The following ARHGAP12 variants were observed in gnomAD, a reference collection of about 807,000 sequenced individuals.
The protein encoded by ARHGAP12 is Rho GTPase activating protein 12.
In ARHGAP12, 64 loss-of-function variants were observed where a neutral mutation model predicts 108.6. The ratio of observed to expected loss-of-function variants is 0.59; its 90% CI spans 0.48 to 0.73. The LOEUF (loss-of-function observed/expected upper bound fraction) is 0.73. ARHGAP12 is among the 30% of genes least tolerant of loss of function. The pLI, the probability that ARHGAP12 is intolerant of heterozygous loss-of-function variation, is 0.00. For synonymous variants in ARHGAP12, 312 were observed against 337.2 expected, an observed-to-expected ratio of 0.93 and a Z score of 0.82; for missense variants, 940 against 1,005.9, an observed-to-expected ratio of 0.93 and a Z score of 0.89.
At chr10:31,898,689 A>C (rs1838804611) in intron 3 of ARHGAP12, among the ~76,000 whole-genome samples, 1 of 152,188 alleles carries the variant, frequency 6.6e-6, no homozygotes, top group South Asian at 2.1e-4. Context: ...AATACTTAGC[A>C]CTGTGTTATA....
intron 7 of ARHGAP12, 120 bp from the exon 8 acceptor site, chr10:31,839,831 T>C: frequency 1.5e-6 from 1 of 661,218 alleles, no homozygotes; most frequent in South Asian, 2.9e-5. Flanking sequence ...TTATTTTCGT[T>C]CTATATTCAG....
intron 13 of ARHGAP12, 140 bp downstream of exon 13, chr10:31,817,648 C>T: frequency 1.9e-6 from 1 of 533,126 alleles, no homozygotes. Context: ...CTAAATTGAC[C>T]ATTGTTTTTT....
intron 4 of ARHGAP12, among the ~76,000 whole-genome samples, chr10:31,855,367 C>T (rs1221956634): frequency 6.6e-6 from 1 of 152,130 alleles, no homozygotes; most frequent in East Asian, 1.9e-4. Flanking sequence ...ATGACCCTTC[C>T]TATCACCTCT....
rs146011999 is a variant in ARHGAP12, at chr10:31,812,751, C to T, written c.1907G>A (p.Arg636Gln). Residue 636 changes from arginine to glutamine, a missense_variant, in exon 15 of 20, where the codon CGA becomes CAA. Coordinates refer to ENST00000344936, the MANE Select transcript of ARHGAP12 (RefSeq NM_018287.7). ...ACGAACAGCTTGCAAAGTGGGGCGT[C>T]GTGTAAGAAACTTCTTTAAGTTTTT... is the stretch of plus-strand genomic sequence containing the variant. ...TKKNLKKFLT[R>Q]RPTLQAVREK... 1.9e-6 allele frequency: 3 copies of T among 1,608,708 alleles called. No individual in the cohort carries two copies. Among genetic ancestry groups the T allele is most frequent in the Admixed American group, 1.7e-5 (1 of 59,744 alleles).
chr10:31,874,748 C>T (rs974740248), intron 3 of ARHGAP12, among the ~76,000 whole-genome samples: 3 of 151,842 alleles, frequency 2.0e-5, no homozygotes, highest in Admixed American at 6.6e-5. Flanking sequence ...CCGAGGCGTG[C>T]GGATCACCTG....
At chr10:31,901,178 T>C (rs112978277) in intron 3 of ARHGAP12, among the ~76,000 whole-genome samples, 34,319 of 147,860 alleles carry the variant, frequency 0.23, 4,278 homozygotes, top group Non-Finnish European at 0.29. Flanking sequence ...ATTGCGCCAC[T>C]GCACTCCACT....
chr10:31,860,932 G>A (rs897456001), intron 4 of ARHGAP12, among the ~76,000 whole-genome samples: 2 of 152,152 alleles, frequency 1.3e-5, no homozygotes, highest in African/African-American at 4.8e-5. Flanking sequence ...ACATGTGCCT[G>A]TAGTCCCAGC....
chr10:31,830,926 C>A (rs149067085), intron 10 of ARHGAP12, among the ~76,000 whole-genome samples: 122 of 152,316 alleles, frequency 8.0e-4, no homozygotes, highest in Non-Finnish European at 8.8e-4. Flanking sequence ...CAGGAATGCA[C>A]GGCTCCTGGA....
At chr10:31,826,281 C>G (rs752787518) in intron 11 of ARHGAP12, 23 bp downstream of exon 11, 10 of 1,570,264 alleles carry the variant, frequency 6.4e-6, no homozygotes, top group Non-Finnish European at 8.7e-6. Context: ...TGTATAAAAT[C>G]TCCAAAGAGA....
intron 13 of ARHGAP12, 132 bp from the exon 14 acceptor site, chr10:31,814,493 T>A: frequency 1.5e-6 from 1 of 679,810 alleles, no homozygotes. Context: ...GTATACAGTA[T>A]GTATGACTTA....
At position 31,812,842 on chromosome 10, in the gene ARHGAP12, G is replaced by GT; in HGVS notation, c.1835-20dup. The GT allele has an allele frequency of 7.2e-7, 1 of 1,391,178 alleles. No individual in the cohort carries two copies. The highest frequency in any genetic ancestry group is 9.8e-7 in the Non-Finnish European group (1 of 1,017,294). The allele number at this position is 1,391,178 out of a possible 1,614,324, so 86.2% of individuals were successfully genotyped here. On this transcript the variant is annotated intron_variant, in intron 14 of 19. Transcript: ENST00000344936. ...TTAAAGGCTTAAGACAAAAAGACAG[G>GT]TAATGAGCATTTGTAAAAATAAAGT...
intron 3 of ARHGAP12, among the ~76,000 whole-genome samples, chr10:31,879,877 C>T (rs376471650): frequency 2.6e-4 from 39 of 152,324 alleles, no homozygotes; most frequent in African/African-American, 9.1e-4. Flanking sequence ...CATGCTTCTA[C>T]AGGGTTTCTG....
chr10:31,814,508 T>G, intron 13 of ARHGAP12, 147 bp from the exon 14 acceptor site: 1 of 637,116 alleles, frequency 1.6e-6, no homozygotes, highest in Non-Finnish European at 2.7e-6. Flanking sequence ...GACTTAGATA[T>G]TTGATAAATA....
At chr10:31,892,707 TA>T (rs754035394) in intron 3 of ARHGAP12, among the ~76,000 whole-genome samples, 23 of 152,114 alleles carry the variant, frequency 1.5e-4, no homozygotes, top group Non-Finnish European at 3.1e-4. Context: ...GACAGAAACT[TA>T]ACAAGCATAT....
chr10:31,928,500 T>A (rs968582661), intron 1 of ARHGAP12, among the ~76,000 whole-genome samples, 183 bp downstream of exon 1: 11 of 147,218 alleles, frequency 7.5e-5, no homozygotes, highest in Non-Finnish European at 8.9e-5. Context: ...AGCCCCTCGC[T>A]GCGCGCCCGA....
intron 15 of ARHGAP12, among the ~76,000 whole-genome samples, chr10:31,812,186 G>A (rs535025348): frequency 1.3e-5 from 2 of 152,098 alleles, no homozygotes; most frequent in African/African-American, 4.8e-5. Context: ...CACAAGTAAT[G>A]TGATTTTTTT....
At chr10:31,880,791 G>A (rs1454271824) in intron 3 of ARHGAP12, among the ~76,000 whole-genome samples, 4 of 151,966 alleles carry the variant, frequency 2.6e-5, no homozygotes. Context: ...TTCTGGCCGG[G>A]AGTGGTGGCT....
intron 3 of ARHGAP12, among the ~76,000 whole-genome samples, chr10:31,893,423 G>A (rs551941626): frequency 3.5e-4 from 53 of 152,148 alleles, no homozygotes; most frequent in African/African-American, 1.3e-3. Context: ...TATCACCACC[G>A]ATCCCACAGA....
chr10:31,903,098 A>C (rs34831090), intron 3 of ARHGAP12, among the ~76,000 whole-genome samples: 28,524 of 152,114 alleles, frequency 0.19, 2,994 homozygotes, highest in East Asian at 0.46. Context: ...TGCATCACTT[A>C]ACAACGGGGA....
Sources: allele counts gnomAD v4.1 joint callset (sites outside exome capture counted in the v4.1 genomes callset), GRCh38; gene constraint gnomAD v4.1.1; transcripts MANE v1.5; gene names NCBI Gene and HGNC (gene_info 2026-07-23, HGNC 2026-07-21).